The following CACNA2D3 variants were observed in gnomAD, a reference collection of about 807,000 sequenced individuals.
CACNA2D3 encodes the protein voltage-dependent calcium channel subunit alpha-2/delta-3.
A neutral mutation model predicts 160.6 loss-of-function variants in CACNA2D3; 60 were observed. The ratio of observed to expected loss-of-function variants is 0.37; its 90% confidence interval spans 0.30 to 0.46. The LOEUF is 0.46. CACNA2D3 is among the 20% of genes least tolerant of loss of function. The pLI is 1.00. For missense variants in CACNA2D3, 1,205 were observed against 1,365.0 expected, an observed-to-expected ratio of 0.88 and a Z score of 1.85; for synonymous variants, 558 against 492.9, an observed-to-expected ratio of 1.13 and a Z score of -1.75.
chr3:54,896,695 C>G, intron 25 of CACNA2D3, 54 bp from the exon 26 acceptor site: 1 of 1,611,578 alleles, frequency 6.2e-7, no homozygotes, highest in Admixed American at 1.7e-5. Flanking sequence ...TGCTCCAGGC[C>G]CACCTTTACT....
At chr3:54,204,329 A>AT (rs1215350614) in intron 2 of CACNA2D3, among the ~76,000 whole-genome samples, 5 of 151,988 alleles carry the variant, frequency 3.3e-5, no homozygotes, top group African/African-American at 1.2e-4. Flanking sequence ...GTGTGTGTAT[A>AT]TACCATATAT....
intron 4 of CACNA2D3, among the ~76,000 whole-genome samples, chr3:54,465,342 C>G (rs555749172): frequency 2.0e-5 from 3 of 152,126 alleles, no homozygotes; most frequent in African/African-American, 7.2e-5. Context: ...AGAGAGCTAG[C>G]AAACAAGCAC....
chr3:54,619,059 C>G (rs1698924857), intron 9 of CACNA2D3, among the ~76,000 whole-genome samples: 1 of 152,218 alleles, frequency 6.6e-6, no homozygotes, highest in African/African-American at 2.4e-5. Flanking sequence ...AAGGGTGAGG[C>G]CTACTGTGTA....
intron 27 of CACNA2D3, among the ~76,000 whole-genome samples, chr3:54,956,481 A>G (rs1020338452): frequency 4.6e-5 from 7 of 152,182 alleles, no homozygotes; most frequent in African/African-American, 1.2e-4. Context: ...CCTAACTTGC[A>G]TGGGCCACAT....
At chr3:54,894,157 A>G (rs948418965) in intron 25 of CACNA2D3, among the ~76,000 whole-genome samples, 2 of 152,166 alleles carry the variant, frequency 1.3e-5, no homozygotes, top group Non-Finnish European at 2.9e-5. Context: ...AATAGCTCCT[A>G]GTATCCAGGA....
intron 4 of CACNA2D3, among the ~76,000 whole-genome samples, chr3:54,476,150 C>A (rs529231609): frequency 1.3e-5 from 2 of 148,938 alleles, no homozygotes; most frequent in Non-Finnish European, 3.0e-5. Flanking sequence ...CTGGTTCGTC[C>A]GTGTTATCTC....
intron 2 of CACNA2D3, among the ~76,000 whole-genome samples, chr3:54,214,765 T>A (rs1299701126): frequency 6.6e-6 from 1 of 152,170 alleles, no homozygotes; most frequent in Admixed American, 6.5e-5. Context: ...CAGACCAAAA[T>A]GACAACACTG....
chr3:54,325,607 C>CT (rs997647633), intron 3 of CACNA2D3, among the ~76,000 whole-genome samples: 4 of 152,132 alleles, frequency 2.6e-5, no homozygotes, highest in Admixed American at 2.6e-4. Context: ...CCTCCACAAA[C>CT]TTTAACAGGT....
At chr3:54,843,751 G>C (rs1275746015) in intron 16 of CACNA2D3, among the ~76,000 whole-genome samples, 1 of 152,228 alleles carries the variant, frequency 6.6e-6, no homozygotes, top group East Asian at 1.9e-4. Context: ...TAATATAGTA[G>C]TGGTACAGTT....
intron 25 of CACNA2D3, among the ~76,000 whole-genome samples, chr3:54,892,986 T>C (rs755955551): frequency 1.5e-4 from 23 of 152,038 alleles, no homozygotes; most frequent in Non-Finnish European, 2.6e-4. Context: ...CAAAAAAAAT[T>C]ATGGATGAGC....
At chr3:54,898,251 C>G (rs1700243977) in intron 26 of CACNA2D3, among the ~76,000 whole-genome samples, 1 of 137,796 alleles carries the variant, frequency 7.3e-6, no homozygotes, top group Admixed American at 7.8e-5. Flanking sequence ...GAGACAGAGT[C>G]TTGCTCCGTC....
At chr3:54,662,478 T>C (rs1015551502) in intron 11 of CACNA2D3, among the ~76,000 whole-genome samples, 3 of 152,256 alleles carry the variant, frequency 2.0e-5, no homozygotes, top group African/African-American at 7.2e-5. Flanking sequence ...CTTTGAAGGC[T>C]GTGAAGGGTT....
chr3:54,299,149 T>C (rs1487478399), intron 2 of CACNA2D3, among the ~76,000 whole-genome samples: 1 of 151,654 alleles, frequency 6.6e-6, no homozygotes, highest in East Asian at 1.9e-4. Flanking sequence ...GAGAACTTGG[T>C]TGGTTTGTAG....
chr3:54,453,586 A>G (rs548823349), intron 4 of CACNA2D3, among the ~76,000 whole-genome samples: 3 of 152,316 alleles, frequency 2.0e-5, no homozygotes, highest in South Asian at 4.1e-4. Context: ...TTTGGCTCTC[A>G]TAAGTGAAAT....
chr3:54,415,002 G>C (rs1017811125), intron 4 of CACNA2D3, among the ~76,000 whole-genome samples: 1 of 151,916 alleles, frequency 6.6e-6, no homozygotes, highest in African/African-American at 2.4e-5. Context: ...GTGTGATTGC[G>C]GTGTTTCAGA....
At chr3:55,028,556 TTTCC>T (rs1703614009) in intron 35 of CACNA2D3, among the ~76,000 whole-genome samples, 1 of 152,228 alleles carries the variant, frequency 6.6e-6, no homozygotes. Flanking sequence ...AGTATGTTTC[TTTCC>T]TTCTTGATTA....
At chr3:54,837,273 G>A in intron 15 of CACNA2D3, 43 bp downstream of exon 15, 1 of 1,527,372 alleles carries the variant, frequency 6.5e-7, no homozygotes, top group Non-Finnish European at 9.1e-7. Context: ...CTAGGAGGGT[G>A]GTTTTCTCAG....
intron 4 of CACNA2D3, among the ~76,000 whole-genome samples, chr3:54,403,662 A>G (rs1201107077): frequency 1.3e-5 from 2 of 152,154 alleles, no homozygotes; most frequent in African/African-American, 4.8e-5. Flanking sequence ...AACAGAAATA[A>G]ATCAAATGAG....
chr3:55,064,078 G>C (rs368088393), intron 35 of CACNA2D3, among the ~76,000 whole-genome samples: 88 of 152,270 alleles, frequency 5.8e-4, no homozygotes, highest in African/African-American at 2.0e-3. Flanking sequence ...TGCTTAAGGA[G>C]CCCTGCCCAG....
Sources: allele counts gnomAD v4.1 joint callset (sites outside exome capture counted in the v4.1 genomes callset), GRCh38; gene constraint gnomAD v4.1.1; transcripts MANE v1.5; gene names NCBI Gene and HGNC (gene_info 2026-07-23, HGNC 2026-07-21).